The following RALY variants were observed in gnomAD, a reference collection of about 807,000 sequenced individuals.
RALY encodes the protein RNA-binding protein Raly.
In RALY, 15 loss-of-function variants were observed where a neutral mutation model predicts 30.7. That is an observed-to-expected ratio of 0.49 (90% CI 0.33 to 0.75). The LOEUF (loss-of-function observed/expected upper bound fraction) is 0.75. Ranked by LOEUF, RALY falls within the 30% of genes least tolerant of loss-of-function variation. The pLI, the probability that RALY is intolerant of heterozygous loss-of-function variation, is 0.02. For missense variants in RALY, 339 were observed against 414.3 expected (o/e 0.82, Z 1.58); for synonymous variants, 177 against 170.8 (o/e 1.04, Z -0.28).
chr20:34,048,816 A>C (rs2032975210), intron 2 of RALY, among the ~76,000 whole-genome samples: 1 of 144,678 alleles, frequency 6.9e-6, no homozygotes, highest in South Asian at 2.2e-4. Context: ...AGATCGCACC[A>C]CTGCACTCTA....
At chr20:34,020,287 A>C (rs1198823217) in intron 1 of RALY, among the ~76,000 whole-genome samples, 1 of 152,162 alleles carries the variant, frequency 6.6e-6, no homozygotes, top group Non-Finnish European at 1.5e-5. Context: ...GAGGGGAGGA[A>C]TCATTGGCAA....
chr20:34,072,538 G>A (rs1392914784), intron 3 of RALY, among the ~76,000 whole-genome samples: 1 of 152,230 alleles, frequency 6.6e-6, no homozygotes, highest in Non-Finnish European at 1.5e-5. Context: ...CTTCTGACCT[G>A]TCTCTGCTTT....
chr20:34,016,622 A>G (rs1393847314), intron 1 of RALY: 1 of 152,270 alleles, frequency 6.6e-6, no homozygotes, highest in Non-Finnish European at 1.5e-5. Flanking sequence ...GATATGCATT[A>G]TCTTCTGATA....
chr20:34,000,631 A>G (rs1287987068), intron 1 of RALY, among the ~76,000 whole-genome samples: 1 of 152,176 alleles, frequency 6.6e-6, no homozygotes, highest in Non-Finnish European at 1.5e-5. Context: ...CTCCATCTCC[A>G]GAAGAGCCAT....
chr20:34,048,544 A>G (rs917120780), intron 2 of RALY, among the ~76,000 whole-genome samples: 1 of 152,184 alleles, frequency 6.6e-6, no homozygotes. Context: ...GTCAGGCTGC[A>G]TGACTTCCAG....
At chr20:34,019,872 TA>T (rs2031751400) in intron 1 of RALY, among the ~76,000 whole-genome samples, 1 of 152,036 alleles carries the variant, frequency 6.6e-6, no homozygotes, top group African/African-American at 2.4e-5. Context: ...CCATCCCGGC[TA>T]AAACGGTGAA....
At chr20:33,996,526 GT>G (rs141192129) in intron 1 of RALY, among the ~76,000 whole-genome samples, 2,429 of 152,098 alleles carry the variant, frequency 0.016, 38 homozygotes, top group Non-Finnish European at 0.026. Flanking sequence ...GCTTAGAGAG[GT>G]TACATTACCT....
chr20:34,063,493 A>G (rs769801779), intron 2 of RALY, among the ~76,000 whole-genome samples: 4 of 152,236 alleles, frequency 2.6e-5, no homozygotes, highest in Non-Finnish European at 5.9e-5. Flanking sequence ...TAGAGTGCAG[A>G]TGATACTACA....
At chr20:34,021,240 G>A (rs986399234) in intron 1 of RALY, among the ~76,000 whole-genome samples, 9 of 152,154 alleles carry the variant, frequency 5.9e-5, no homozygotes, top group Non-Finnish European at 1.2e-4. Flanking sequence ...GGGATTTACA[G>A]GCATGAGCCA....
intron 2 of RALY, among the ~76,000 whole-genome samples, chr20:34,068,732 A>G (rs2033646654): frequency 6.6e-6 from 1 of 152,192 alleles, no homozygotes; most frequent in Admixed American, 6.5e-5. Flanking sequence ...TCTGTACTTG[A>G]ACCTGGCAGT....
At chr20:34,013,834 A>G (rs1408305620) in intron 1 of RALY, among the ~76,000 whole-genome samples, 2 of 152,192 alleles carry the variant, frequency 1.3e-5, no homozygotes, top group Non-Finnish European at 2.9e-5. Context: ...TGGCACAAAT[A>G]GTACTTACAA....
chr20:34,018,170 G>T (rs745632430), intron 1 of RALY, among the ~76,000 whole-genome samples: 1 of 152,248 alleles, frequency 6.6e-6, no homozygotes, highest in South Asian at 2.1e-4. Context: ...ACTGCTCTGA[G>T]CCCTTATCCT....
intron 2 of RALY, among the ~76,000 whole-genome samples, chr20:34,063,105 A>G (rs1464469382): frequency 6.6e-6 from 1 of 152,212 alleles, no homozygotes; most frequent in African/African-American, 2.4e-5. Flanking sequence ...TCCTGGCTTG[A>G]GCAAGACCAG....
At chr20:34,051,559 T>A (rs1008560690) in intron 2 of RALY, among the ~76,000 whole-genome samples, 5 of 152,164 alleles carry the variant, frequency 3.3e-5, no homozygotes, top group African/African-American at 1.2e-4. Flanking sequence ...TAGGATAGCG[T>A]TTTCAGTATA....
intron 1 of RALY, among the ~76,000 whole-genome samples, chr20:33,995,996 A>C (rs2030606055): frequency 6.6e-6 from 1 of 152,204 alleles, no homozygotes; most frequent in Non-Finnish European, 1.5e-5. Flanking sequence ...GTTAGTATTA[A>C]GAGGAGGCCA....
At chr20:34,003,490 G>C (rs2122981626) in intron 1 of RALY, among the ~76,000 whole-genome samples, 1 of 152,218 alleles carries the variant, frequency 6.6e-6, no homozygotes, top group Admixed American at 6.5e-5. Context: ...GAAAAAGTGT[G>C]ATGAAAGCAT....
chr20:34,028,241 G>A (rs1908530839), intron 1 of RALY, among the ~76,000 whole-genome samples: 2 of 150,544 alleles, frequency 1.3e-5, no homozygotes, highest in African/African-American at 2.5e-5. Flanking sequence ...AGCTGAGATT[G>A]CACTACTGCA....
intron 2 of RALY, among the ~76,000 whole-genome samples, chr20:34,046,875 A>G (rs537778281): frequency 1.2e-3 from 175 of 145,206 alleles, no homozygotes; most frequent in African/African-American, 4.4e-3. Flanking sequence ...GCTGGAGTGC[A>G]ATGGTGTGAC....
At chr20:33,995,003 C>T (rs989736833) in intron 1 of RALY, among the ~76,000 whole-genome samples, 4 of 152,100 alleles carry the variant, frequency 2.6e-5, no homozygotes, top group Non-Finnish European at 4.4e-5. Context: ...GGAGTGGTGC[C>T]AGTACCTATT....
Sources: allele counts gnomAD v4.1 joint callset (sites outside exome capture counted in the v4.1 genomes callset), GRCh38; gene constraint gnomAD v4.1.1; transcripts MANE v1.5; gene names NCBI Gene and HGNC (gene_info 2026-07-23, HGNC 2026-07-21).